SCML4: variants seen among roughly 807,000 people sequenced by gnomAD.
The protein encoded by SCML4 is sex comb on midleg-like protein 4.
Under a neutral mutation model 41.1 loss-of-function variants are expected in SCML4, and 34 were observed. The observed-to-expected ratio is 0.83, with a 90% CI of 0.63 to 1.10. The LOEUF (loss-of-function observed/expected upper bound fraction) is 1.10, where lower values mean the gene tolerates loss of function less well. SCML4 is among the 50% of genes least tolerant of loss of function. SCML4 has a pLI of 0.00. For synonymous variants in SCML4, 214 were observed against 220.9 expected (o/e 0.97, Z 0.28); for missense variants, 522 against 534.1 (o/e 0.98, Z 0.22).
chr6:107,750,678 C>T (rs1450587856), intron 2 of SCML4, among the ~76,000 whole-genome samples: 1 of 152,188 alleles, frequency 6.6e-6, no homozygotes, highest in Non-Finnish European at 1.5e-5. Flanking sequence ...GATTCTAATA[C>T]ACAGTTAAGG....
intron 2 of SCML4, among the ~76,000 whole-genome samples, chr6:107,751,028 A>G (rs535959686): frequency 6.6e-5 from 10 of 152,222 alleles, no homozygotes; most frequent in Non-Finnish European, 1.3e-4. Flanking sequence ...TGTTCAACAA[A>G]TATATACCAA....
chr6:107,741,099 T>A lies in SCML4; in HGVS notation c.682+3850A>T, dbSNP rs111802960. On this transcript the variant is annotated intron_variant, in intron 5 of 7. Transcript: ENST00000369020. ...GAAACTGAAAGTTTCGAGGCCGACT[T>A]CAAGTTCCAAACTGGTGGCATAGAA... Among the ~76,000 whole-genome samples the A allele has an allele frequency of 3.3e-5, 5 of 152,156 alleles. 1 individual carries two copies. The highest frequency in any genetic ancestry group is 1.2e-4 in the African/African-American group (5 of 41,524).
intron 1 of SCML4, among the ~76,000 whole-genome samples, chr6:107,813,385 T>TTTAA (rs1784323552): frequency 2.7e-4 from 4 of 14,756 alleles, no homozygotes; most frequent in African/African-American, 7.5e-4. Context: ...TATATATATA[T>TTTAA]ATATATATAT....
rs1773828538 is a variant in SCML4, at chr6:107,707,899, A to C, written c.1086T>G (p.Ala362=). ...TGAAGAGCTCCACGTGAGGCCCCAG[A>C]GCCTGTGGGTCGGCGTCCTTCACAA... ...VWFVKDADPQ[A]LGPHVELFRK... The change falls in exon 7 of 8, where the codon GCT becomes GCG. Residue 362 remains alanine (A), a synonymous_variant. Coordinates refer to ENST00000369020, the MANE Select transcript of SCML4 (RefSeq NM_198081.5). The C allele has an allele frequency of 6.4e-7, 1 of 1,551,598 alleles. No homozygotes were observed. The highest frequency in any genetic ancestry group is 1.4e-5 in the African/African-American group (1 of 73,030).
rs368845330 is a variant in SCML4 at position 107,713,494 on chromosome 6, G to A, written c.974-5483C>T. On this transcript the variant is annotated intron_variant, in intron 6 of 7. Coordinates refer to ENST00000369020, the MANE Select transcript of SCML4 (RefSeq NM_198081.5). ...AGTGTGTCCACATGCAAAACACACC[G>A]AGTGCAGCCACAGCCAGGCTTCCCG... Among the ~76,000 whole-genome samples the A allele has an allele frequency of 4.6e-5, 7 of 152,340 alleles. No individual in the cohort carries two copies. In the East Asian group the frequency reaches 7.7e-4, roughly 17 times the overall value.
chr6:107,825,850 T>C (rs906849990), upstream of SCML4, among the ~76,000 whole-genome samples: 4 of 135,272 alleles, frequency 3.0e-5, no homozygotes, highest in African/African-American at 8.4e-5. Context: ...GGAGGGAGAA[T>C]GGCGTGAACC....
intron 1 of SCML4, among the ~76,000 whole-genome samples, chr6:107,804,747 C>T (rs1344442416): frequency 6.6e-6 from 1 of 152,112 alleles, no homozygotes; most frequent in Non-Finnish European, 1.5e-5. Context: ...GAAGCCAAGG[C>T]GGAAGGATTG....
At chr6:107,811,027 T>C (rs755386130) in intron 1 of SCML4, among the ~76,000 whole-genome samples, 6 of 152,112 alleles carry the variant, frequency 3.9e-5, no homozygotes, top group Non-Finnish European at 5.9e-5. Flanking sequence ...GCTGGTGTCT[T>C]TATAAGTAAG....
chr6:107,752,190 T>C (rs1224851379), intron 2 of SCML4, among the ~76,000 whole-genome samples: 1 of 151,950 alleles, frequency 6.6e-6, no homozygotes, highest in Non-Finnish European at 1.5e-5. Flanking sequence ...GGGCTCTAGG[T>C]GGAGTAGTTT....
At chr6:107,787,841 A>AGAT (rs1782018459) in intron 1 of SCML4, among the ~76,000 whole-genome samples, 1 of 152,258 alleles carries the variant, frequency 6.6e-6, no homozygotes, top group Non-Finnish European at 1.5e-5. Context: ...TCAGGCATAT[A>AGAT]GATGCTCATC....
intron 2 of SCML4, among the ~76,000 whole-genome samples, chr6:107,759,887 C>A (rs1282101335): frequency 6.6e-6 from 1 of 152,142 alleles, no homozygotes; most frequent in African/African-American, 2.4e-5. Flanking sequence ...CACTGCACTG[C>A]AGGGCAGTGG....
chr6:107,735,267 C>G (rs1583444800), intron 5 of SCML4, among the ~76,000 whole-genome samples: 1 of 152,188 alleles, frequency 6.6e-6, no homozygotes, highest in South Asian at 2.1e-4. Context: ...GACCTCCTTT[C>G]CAATGCTCAG....
intron 6 of SCML4, among the ~76,000 whole-genome samples, chr6:107,712,656 G>A (rs963363237): frequency 1.3e-5 from 2 of 152,108 alleles, no homozygotes; most frequent in Admixed American, 6.5e-5. Context: ...GTCACACCTC[G>A]GGAGCTGCTC....
chr6:107,833,895 T>G, the SCML4 span, among the ~76,000 whole-genome samples: 6 of 152,152 alleles, frequency 3.9e-5, no homozygotes, highest in Non-Finnish European at 5.9e-5. Flanking sequence ...GAAACAGGGA[T>G]GCTAAGACTG....
chr6:107,804,576 GAC>G (rs1252510443), intron 1 of SCML4, among the ~76,000 whole-genome samples: 1 of 152,130 alleles, frequency 6.6e-6, no homozygotes, highest in East Asian at 1.9e-4. Context: ...TATATGTACA[GAC>G]ACACACACCT....
At chr6:107,802,295 G>A (rs1783199485) in intron 1 of SCML4, among the ~76,000 whole-genome samples, 2 of 152,294 alleles carry the variant, frequency 1.3e-5, no homozygotes, top group East Asian at 3.9e-4. Flanking sequence ...ATGGCAGTGA[G>A]CATGTTATTT....
the SCML4 span, among the ~76,000 whole-genome samples, chr6:107,834,464 G>A: frequency 2.0e-5 from 3 of 152,288 alleles, no homozygotes; most frequent in Non-Finnish European, 2.9e-5. Flanking sequence ...ATGAGACCTC[G>A]GAAAACTCTG....
intron 2 of SCML4, among the ~76,000 whole-genome samples, chr6:107,753,460 C>CG (rs747287687): frequency 5.9e-5 from 9 of 152,158 alleles, no homozygotes; most frequent in East Asian, 5.8e-4. Context: ...TTGCCAGGAA[C>CG]TGGGGGAAGG....
intron 1 of SCML4, among the ~76,000 whole-genome samples, chr6:107,822,258 A>G (rs1451754795): frequency 1.3e-5 from 2 of 152,188 alleles, no homozygotes; most frequent in Non-Finnish European, 2.9e-5. Context: ...AGCAAGTGAC[A>G]GTATTTGGGT....
Sources: allele counts gnomAD v4.1 joint callset (sites outside exome capture counted in the v4.1 genomes callset), GRCh38; gene constraint gnomAD v4.1.1; transcripts MANE v1.5; gene names NCBI Gene and HGNC (gene_info 2026-07-23, HGNC 2026-07-21).